UGDH: variants seen among roughly 807,000 people sequenced by gnomAD.
The protein encoded by UGDH is UDP-glucose 6-dehydrogenase, also known as UDP-Glc dehydrogenase.
In UGDH, 38 loss-of-function variants were observed where a neutral mutation model predicts 50.6. The observed-to-expected ratio is 0.75, with a 90% CI of 0.58 to 0.98. UGDH has a LOEUF of 0.98. Ranked by LOEUF, UGDH falls within the 50% of genes least tolerant of loss-of-function variation. The probability of loss-of-function intolerance (pLI) is 0.00; values close to 1 mark genes in which losing one functional copy is unlikely to be tolerated. For synonymous variants in UGDH, 168 were observed against 199.9 expected (o/e 0.84, Z 1.35); for missense variants, 465 against 606.2 (o/e 0.77, Z 2.45).
chr4:39,510,431 C>T lies in UGDH; in HGVS notation c.585G>A (p.Leu195=). The T allele has an allele frequency of 6.2e-7, 1 of 1,614,200 alleles. No homozygotes were observed. The highest frequency in any genetic ancestry group is 8.5e-7 in the Non-Finnish European group (1 of 1,180,038). ...TPEGQRAVQA[L]CAVYEHWVPR... is the part of the protein sequence containing the mutation. The stretch of plus-strand genomic sequence containing the variant: ...GAACCCAGTGCTCATATACAGCACA[C>T]AGGGCCTGCACAGCTCTCTGGCCCT... The change falls in exon 5 of 12, where the codon CTG becomes CTA. Residue 195 remains leucine, a synonymous_variant. Transcript: ENST00000316423.
intron 1 of UGDH, among the ~76,000 whole-genome samples, chr4:39,524,250 T>C (rs142226432): frequency 9.5e-4 from 145 of 152,310 alleles, no homozygotes; most frequent in Middle Eastern, 3.4e-3. Context: ...AGAATCAGTG[T>C]CTACTCGTTG....
chr4:39,521,643 A>T lies in UGDH; in HGVS notation c.-7-124T>A, dbSNP rs976140671. The T allele has an allele frequency of 7.2e-5, 56 of 779,672 alleles. No individual in the cohort carries two copies. In the African/African-American group the frequency reaches 8.3e-4, roughly 12 times the overall value. The allele number at this position is 779,672 out of a possible 1,614,324, so 48.3% of individuals were successfully genotyped here. A position where few individuals can be genotyped will look rare whatever the true frequency, so the allele number is the denominator to read the frequency against. On this transcript the variant is annotated intron_variant, in intron 1 of 11. Coordinates refer to ENST00000316423, the MANE Select transcript of UGDH (RefSeq NM_003359.4). ...ACAGATATCTGGAAAGATTTCCTAC[A>T]TTCGCTCTGAGGAATTATGGAAATA... is the stretch of plus-strand genomic sequence containing the variant.
intron 1 of UGDH, among the ~76,000 whole-genome samples, chr4:39,521,769 G>A (rs562161291): frequency 1.3e-5 from 2 of 152,264 alleles, no homozygotes; most frequent in Admixed American, 6.5e-5. Context: ...TATTACTGAA[G>A]GGGAGCCACA....
intron 8 of UGDH, 65 bp downstream of exon 8, chr4:39,505,553 C>T: frequency 6.9e-7 from 1 of 1,438,996 alleles, no homozygotes; most frequent in Non-Finnish European, 9.1e-7. Context: ...CTACCCCAAT[C>T]AAAAAATTAA....
intron 11 of UGDH, among the ~76,000 whole-genome samples, chr4:39,501,572 C>A (rs1417405645): frequency 3.9e-5 from 6 of 152,196 alleles, no homozygotes; most frequent in African/African-American, 1.4e-4. Flanking sequence ...CGCACCCGGC[C>A]AGCATAATTC....
At chr4:39,524,306 G>C (rs981327880) in intron 1 of UGDH, among the ~76,000 whole-genome samples, 1 of 152,116 alleles carries the variant, frequency 6.6e-6, no homozygotes, top group Non-Finnish European at 1.5e-5. Flanking sequence ...GGCACAGCCA[G>C]GCTAACAGTT....
At chr4:39,504,179 G>A (rs1177060358) in intron 10 of UGDH, among the ~76,000 whole-genome samples, 194 bp from the exon 11 acceptor site, 1 of 152,016 alleles carries the variant, frequency 6.6e-6, no homozygotes, top group African/African-American at 2.4e-5. Flanking sequence ...GTGGTGGCAG[G>A]AGCTTGTAGT....
chr4:39,501,434 C>T (rs967187782), intron 11 of UGDH, among the ~76,000 whole-genome samples: 7 of 151,828 alleles, frequency 4.6e-5, no homozygotes, highest in East Asian at 2.0e-4. Context: ...CCACCACGCC[C>T]GGCAATTTTT....
In UGDH at chr4:39,512,730, G is replaced by C. The variant is rs372010794; in HGVS notation, c.264+1353C>G. 4.0e-5 allele frequency among the ~76,000 whole-genome samples: 6 copies of C among 151,662 alleles called. 1 individual carries two copies. Among genetic ancestry groups the C allele is most frequent in the African/African-American group, 1.5e-4 (6 of 41,308 alleles). ...TTTTATGCCTCCACTCTAACTTTCT[G>C]CAAGTTTAAATAGGGGATGGGTAGG... On this transcript the variant is annotated intron_variant, in intron 3 of 11. Transcript: ENST00000316423.
At chr4:39,516,787 T>C (rs1466364795) in intron 2 of UGDH, among the ~76,000 whole-genome samples, 1 of 152,190 alleles carries the variant, frequency 6.6e-6, no homozygotes, top group African/African-American at 2.4e-5. Context: ...CCAATCACAG[T>C]AATGGGTTTC....
intron 2 of UGDH, among the ~76,000 whole-genome samples, chr4:39,518,568 C>T (rs1033475450): frequency 2.0e-5 from 3 of 150,020 alleles, no homozygotes; most frequent in Non-Finnish European, 4.4e-5. Flanking sequence ...AGGATGGAGT[C>T]GGCCTCCAAA....
At position 39,510,497 on chromosome 4, in the gene UGDH, C is replaced by A. The variant is rs1746200467; in HGVS notation, c.519G>T (p.Lys173Asn). ...CTCCAATCAGTACTCTGTCTGGGTT[C>A]TTTAGGTCCTTGATGGCTGTTCCCT... is the stretch of plus-strand genomic sequence containing the variant. ...LAEGTAIKDL[K>N]NPDRVLIGGD... Residue 173 changes from lysine to asparagine, a missense_variant, in exon 5 of 12, where the codon AAG becomes AAT. By Grantham distance (94) the Lys-to-Asn change is moderately conservative. Transcript: ENST00000316423. The A allele has an allele frequency of 6.2e-7, 1 of 1,614,082 alleles. No homozygotes were observed. The highest frequency in any genetic ancestry group is 1.1e-5 in the South Asian group (1 of 91,092).
chr4:39,526,768 T>A (rs1285426425), intron 1 of UGDH, among the ~76,000 whole-genome samples: 1 of 152,016 alleles, frequency 6.6e-6, no homozygotes, highest in Non-Finnish European at 1.5e-5. Context: ...TTCCAGGACA[T>A]CCCGGACAGA....
chr4:39,500,653 C>T (rs1285112540), intron 11 of UGDH, among the ~76,000 whole-genome samples: 4 of 135,222 alleles, frequency 3.0e-5, no homozygotes, highest in Non-Finnish European at 3.2e-5. Context: ...GCATAATTCT[C>T]TTTTTTTTTT....
intron 1 of UGDH, among the ~76,000 whole-genome samples, chr4:39,523,775 C>G (rs1746766401): frequency 6.7e-6 from 1 of 149,182 alleles, no homozygotes; most frequent in African/African-American, 2.5e-5. Context: ...TGTTGCACTC[C>G]AGCCTGGGCA....
At chr4:39,527,193 C>G (rs1034290677) in intron 1 of UGDH, 90 bp downstream of exon 1, 1 of 1,174,222 alleles carries the variant, frequency 8.5e-7, no homozygotes, top group African/African-American at 1.6e-5. Context: ...GGGAGCAGCG[C>G]GCACACCCCA....
rs569866748 is a variant in UGDH at position 39,521,778 on chromosome 4, CA to C, written c.-7-260del. The stretch of plus-strand genomic sequence containing the variant: ...AACTGATATTACTGAAGGGGAGCCA[CA>C]AAGATTATAATGACCTAATATTTAG... On this transcript the variant is annotated intron_variant, in intron 1 of 11. Transcript: ENST00000316423. Among the ~76,000 whole-genome samples, 113 of 152,228 alleles carry C rather than the reference CA, an allele frequency of 7.4e-4. 2 individuals carry two copies. The East Asian group carries it at 0.019, about 25-fold the overall frequency.
intron 1 of UGDH, among the ~76,000 whole-genome samples, chr4:39,522,876 C>G (rs908880750): frequency 1.3e-5 from 2 of 151,704 alleles, no homozygotes; most frequent in Non-Finnish European, 2.9e-5. Flanking sequence ...AGTTCTCCTG[C>G]CTCAGCCTAA....
chr4:39,518,959 C>G (rs1746538320), intron 2 of UGDH, among the ~76,000 whole-genome samples: 1 of 152,162 alleles, frequency 6.6e-6, no homozygotes, highest in Non-Finnish European at 1.5e-5. Context: ...TTCTGTCAAC[C>G]AGGCTGGAGT....
Sources: gnomAD v4.1 joint callset for allele counts (sites outside exome capture counted in the v4.1 genomes callset) on GRCh38, gnomAD v4.1.1 for gene constraint, MANE v1.5 for transcripts, NCBI Gene and HGNC (gene_info 2026-07-23, HGNC 2026-07-21) for gene names.